Variants in WDR70 observed in about 807,000 individuals in gnomAD.
The protein encoded by WDR70 is WD repeat-containing protein 70.
Under a neutral mutation model 88.6 loss-of-function variants are expected in WDR70, and 53 were observed. The ratio of observed to expected loss-of-function variants is 0.60; its 90% CI spans 0.48 to 0.75. WDR70 has a LOEUF of 0.75. WDR70 is among the 30% of genes least tolerant of loss of function. The pLI, the probability that WDR70 is intolerant of heterozygous loss-of-function variation, is 0.00. For missense variants in WDR70, 610 were observed against 823.2 expected (o/e 0.74, Z 3.17); for synonymous variants, 280 against 270.0 (o/e 1.04, Z -0.36).
intron 8 of WDR70, among the ~76,000 whole-genome samples, chr5:37,513,021 C>T (rs1033718160): frequency 2.0e-5 from 3 of 152,090 alleles, no homozygotes; most frequent in Admixed American, 6.6e-5. Context: ...TGGGGTATTC[C>T]CTTCTGTTTA....
chr5:37,551,335 CA>C (rs1189662821), intron 9 of WDR70, among the ~76,000 whole-genome samples: 1 of 150,880 alleles, frequency 6.6e-6, no homozygotes, highest in East Asian at 2.0e-4. Context: ...ATTACAACAA[CA>C]AAAAAAACTA....
At chr5:37,389,424 T>A (rs538848986) in intron 3 of WDR70, among the ~76,000 whole-genome samples, 8 of 151,998 alleles carry the variant, frequency 5.3e-5, no homozygotes, top group East Asian at 1.9e-4. Flanking sequence ...TTATTTATTT[T>A]TTTTGAGACG....
chr5:37,519,807 A>G (rs1741030273), intron 9 of WDR70, among the ~76,000 whole-genome samples: 1 of 152,222 alleles, frequency 6.6e-6, no homozygotes, highest in Non-Finnish European at 1.5e-5. Flanking sequence ...TGAGTTCGCT[A>G]AATCATATGG....
At chr5:37,449,607 AAAAT>A (rs1478405715) in intron 7 of WDR70, among the ~76,000 whole-genome samples, 4 of 52,174 alleles carry the variant, frequency 7.7e-5, no homozygotes, top group African/African-American at 9.9e-5. Flanking sequence ...AAAAAAATAA[AAAAT>A]AAAAAATAAA....
intron 17 of WDR70, among the ~76,000 whole-genome samples, chr5:37,752,182 G>A (rs1448095318): frequency 1.3e-5 from 2 of 152,136 alleles, no homozygotes; most frequent in Non-Finnish European, 2.9e-5. Flanking sequence ...TTCAGGTGGA[G>A]GGTGGTTAGG....
intron 10 of WDR70, among the ~76,000 whole-genome samples, chr5:37,696,153 G>C (rs1322827118): frequency 6.6e-6 from 1 of 152,088 alleles, no homozygotes; most frequent in Non-Finnish European, 1.5e-5. Flanking sequence ...TGTTTTCTCT[G>C]CTTAACTGAG....
chr5:37,601,563 C>T (rs1050802146), intron 9 of WDR70, among the ~76,000 whole-genome samples: 1 of 152,136 alleles, frequency 6.6e-6, no homozygotes, highest in Admixed American at 6.6e-5. Flanking sequence ...TTCCCTTTCT[C>T]TTCAACTTTT....
rs1289921882 is a variant in WDR70 at position 37,724,927 on chromosome 5, C to G, written c.1598-7C>G. ...TAATGAAATTTTTCAAATGTGACTT[C>G]TTGTAGCTCATGCCTTGCCTATGTT... On this transcript the variant is annotated splice_region_variant and splice_polypyrimidine_tract_variant and intron_variant, in intron 15 of 17. Coordinates refer to ENST00000265107, the MANE Select transcript of WDR70 (RefSeq NM_018034.4). The G allele has an allele frequency of 1.2e-6, 2 of 1,612,886 alleles. No homozygotes were observed. The highest frequency in any genetic ancestry group is 2.2e-5 in the South Asian group (2 of 90,980).
In WDR70 at chr5:37,654,466, G is replaced by A. The variant is rs184312179; in HGVS notation, c.1093-43189G>A. ...TGTAGATGTCTATTAGGTCTGCTTG[G>A]TCCAGAGCTGAGTTGAAGTCCTGGA... On this transcript the variant is annotated intron_variant, in intron 10 of 17. Coordinates refer to ENST00000265107, the MANE Select transcript of WDR70 (RefSeq NM_018034.4). Among the ~76,000 whole-genome samples the A allele has an allele frequency of 1.2e-3, 186 of 152,216 alleles. 1 individual carries two copies. Among genetic ancestry groups the A allele is most frequent in the Non-Finnish European group, 1.6e-3 (110 of 68,004 alleles).
At chr5:37,409,258 T>C (rs2111949622) in intron 5 of WDR70, among the ~76,000 whole-genome samples, 1 of 151,916 alleles carries the variant, frequency 6.6e-6, no homozygotes, top group South Asian at 2.1e-4. Flanking sequence ...TTGAATTCTT[T>C]TGTGTCTGGT....
chr5:37,505,164 T>C (rs1247383386), intron 8 of WDR70, among the ~76,000 whole-genome samples: 1 of 152,220 alleles, frequency 6.6e-6, no homozygotes, highest in African/African-American at 2.4e-5. Context: ...CATTGTCTTT[T>C]ATCAGGCAAC....
chr5:37,631,044 T>G (rs1744800564), intron 10 of WDR70, among the ~76,000 whole-genome samples: 1 of 152,144 alleles, frequency 6.6e-6, no homozygotes, highest in African/African-American at 2.4e-5. Context: ...GATGGAAAGT[T>G]CCCTCCGACG....
At chr5:37,444,926 A>G (rs895299118) in intron 7 of WDR70, among the ~76,000 whole-genome samples, 1 of 152,164 alleles carries the variant, frequency 6.6e-6, no homozygotes, top group Admixed American at 6.5e-5. Context: ...TTGTACTCCT[A>G]TGAGAATCGA....
chr5:37,512,583 AT>A (rs34462724), intron 8 of WDR70, among the ~76,000 whole-genome samples: 334 of 141,712 alleles, frequency 2.4e-3, no homozygotes, highest in African/African-American at 3.5e-3. Context: ...TGCATCTAGA[AT>A]TTTTTTTTTT....
At chr5:37,512,246 AG>A (rs1156849222) in intron 8 of WDR70, among the ~76,000 whole-genome samples, 1 of 151,790 alleles carries the variant, frequency 6.6e-6, no homozygotes, top group African/African-American at 2.4e-5. Flanking sequence ...TTCTTGAAAC[AG>A]GGTCTCATAA....
intron 8 of WDR70, among the ~76,000 whole-genome samples, chr5:37,515,833 A>T (rs1336722969): frequency 6.6e-6 from 1 of 152,164 alleles, no homozygotes; most frequent in Non-Finnish European, 1.5e-5. Flanking sequence ...CCTAAGAGGG[A>T]ATTATGCATT....
At chr5:37,593,162 T>TC (rs1319637030) in intron 9 of WDR70, among the ~76,000 whole-genome samples, 2 of 152,020 alleles carry the variant, frequency 1.3e-5, no homozygotes, top group Admixed American at 1.3e-4. Flanking sequence ...TCTCTCTCTC[T>TC]TTTTTTTAAA....
chr5:37,635,335 A>G (rs951564354), intron 10 of WDR70, among the ~76,000 whole-genome samples: 1 of 152,184 alleles, frequency 6.6e-6, no homozygotes, highest in Non-Finnish European at 1.5e-5. Context: ...AGAGCACTGT[A>G]CTAACTTTTG....
rs1438488369 is a variant in WDR70 at position 37,753,348 on chromosome 5, G to A, written c.*775G>A. 1 of 152,106 alleles carries A rather than the reference G, an allele frequency of 6.6e-6. No homozygotes were observed. Among genetic ancestry groups the A allele is most frequent in the Non-Finnish European group, 1.5e-5 (1 of 68,006 alleles). The allele number at this position is 152,106 out of a possible 1,614,324, so 9.4% of individuals were successfully genotyped here. A position where few individuals can be genotyped will look rare whatever the true frequency, so the allele number is the denominator to read the frequency against. ...ATAGGGCTAATATTTACTTTGCTTGGTTTTTATCAGTATTAAATTAGAAAG... is the reference window on the plus strand; with the variant it reads ...ATAGGGCTAATATTTACTTTGCTTGATTTTTATCAGTATTAAATTAGAAAG... On this transcript the variant is annotated 3_prime_UTR_variant, in exon 18 of 18. Transcript: ENST00000265107.
Sources: allele counts gnomAD v4.1 joint callset (sites outside exome capture counted in the v4.1 genomes callset), GRCh38; gene constraint gnomAD v4.1.1; transcripts MANE v1.5; gene names NCBI Gene and HGNC (gene_info 2026-07-23, HGNC 2026-07-21).